Variants in KDM4C observed in about 807,000 individuals in gnomAD.
The protein encoded by KDM4C is lysine demethylase 4C.
KDM4C carries 81 observed loss-of-function variants against 129.3 expected under a neutral mutation model. The ratio of observed to expected loss-of-function variants is 0.63; its 90% CI spans 0.52 to 0.75. The LOEUF (loss-of-function observed/expected upper bound fraction) is 0.75, where lower values mean the gene tolerates loss of function less well. Among genes scored for constraint, KDM4C ranks in the 30% least tolerant of loss-of-function variants. The probability of loss-of-function intolerance (pLI) is 0.00; values close to 1 mark genes in which losing one functional copy is unlikely to be tolerated. For synonymous variants in KDM4C, 573 were observed against 456.1 expected, an observed-to-expected ratio of 1.26 and a Z score of -3.26; for missense variants, 1,457 against 1,304.0, an observed-to-expected ratio of 1.12 and a Z score of -1.81.
At chr9:7,134,638 T>G (rs1221979622) in intron 19 of KDM4C, among the ~76,000 whole-genome samples, 2 of 152,234 alleles carry the variant, frequency 1.3e-5, no homozygotes, top group East Asian at 3.8e-4. Context: ...GTATAATATT[T>G]ACAGAACACA....
At chr9:6,892,973 T>C in intron 7 of KDM4C, 122 bp from the exon 8 acceptor site, 1 of 646,090 alleles carries the variant, frequency 1.5e-6, no homozygotes, top group Non-Finnish European at 2.3e-6. Context: ...GGAACTCTTT[T>C]TGGTAGTGCT....
At chr9:7,144,560 G>C (rs545249295) in intron 19 of KDM4C, among the ~76,000 whole-genome samples, 4 of 152,298 alleles carry the variant, frequency 2.6e-5, no homozygotes, top group African/African-American at 9.6e-5. Context: ...TCCCATTCTC[G>C]TAGGGGAGAA....
intron 12 of KDM4C, among the ~76,000 whole-genome samples, chr9:7,005,360 A>C (rs1027178723): frequency 6.7e-6 from 1 of 148,714 alleles, no homozygotes; most frequent in Non-Finnish European, 1.5e-5. Context: ...GCTTGAACCC[A>C]GGAGGCGGAG....
intron 1 of KDM4C, among the ~76,000 whole-genome samples, chr9:6,771,985 G>A (rs139169073): frequency 3.3e-5 from 5 of 152,334 alleles, no homozygotes; most frequent in Middle Eastern, 3.4e-3. Context: ...AAGCCCAGCA[G>A]GCTTTCAGTG....
chr9:7,008,050 A>T (rs753152023), intron 12 of KDM4C, among the ~76,000 whole-genome samples: 1 of 152,206 alleles, frequency 6.6e-6, no homozygotes, highest in East Asian at 1.9e-4. Context: ...TAGCACAGAC[A>T]TGAAAAAAGA....
chr9:7,067,920 C>A (rs772234218), intron 17 of KDM4C, among the ~76,000 whole-genome samples: 1 of 152,146 alleles, frequency 6.6e-6, no homozygotes, highest in East Asian at 1.9e-4. Flanking sequence ...CTCAGCCTCC[C>A]GAGTAGCTGG....
chr9:6,794,418 T>C (rs944519277), intron 2 of KDM4C, among the ~76,000 whole-genome samples: 1 of 152,216 alleles, frequency 6.6e-6, no homozygotes, highest in African/African-American at 2.4e-5. Context: ...CTTGTCTGGC[T>C]ATGGTAAGGC....
intron 1 of KDM4C, among the ~76,000 whole-genome samples, chr9:6,766,904 C>T (rs531391758): frequency 6.6e-6 from 1 of 151,988 alleles, no homozygotes; most frequent in Non-Finnish European, 1.5e-5. Context: ...TCATTTGGCT[C>T]CCTTTTTACC....
At chr9:7,117,169 G>GT (rs1838994016) in intron 18 of KDM4C, among the ~76,000 whole-genome samples, 1 of 152,080 alleles carries the variant, frequency 6.6e-6, no homozygotes, top group African/African-American at 2.4e-5. Context: ...GGATTGTGCT[G>GT]TTTTAGTAGT....
intron 11 of KDM4C, among the ~76,000 whole-genome samples, chr9:6,989,915 C>G (rs576666103): frequency 4.7e-5 from 7 of 150,402 alleles, no homozygotes; most frequent in African/African-American, 1.5e-4. Context: ...CCTGGGACCA[C>G]AGGCATATGC....
chr9:6,981,157 G>C (rs759284716), intron 9 of KDM4C, 39 bp downstream of exon 9: 1 of 1,529,428 alleles, frequency 6.5e-7, no homozygotes, highest in South Asian at 1.3e-5. Flanking sequence ...CTTGCCTGTC[G>C]TGTTTTCTCA....
chr9:7,033,942 C>G (rs1438650490), intron 15 of KDM4C, among the ~76,000 whole-genome samples: 3 of 151,904 alleles, frequency 2.0e-5, no homozygotes, highest in Non-Finnish European at 2.9e-5. Flanking sequence ...TGTGGAAAAA[C>G]TGCAGTGCAG....
chr9:6,806,073 GGTGT>G (rs1293760599), intron 3 of KDM4C, among the ~76,000 whole-genome samples: 1 of 152,030 alleles, frequency 6.6e-6, no homozygotes, highest in East Asian at 1.9e-4. Context: ...CAGTTTTTTT[GGTGT>G]GTGTTTGATA....
At chr9:6,818,097 C>T (rs1394688781) in intron 4 of KDM4C, among the ~76,000 whole-genome samples, 1 of 152,066 alleles carries the variant, frequency 6.6e-6, no homozygotes, top group Non-Finnish European at 1.5e-5. Context: ...TCCTTTTGGT[C>T]TTTCTGTTTT....
Position 7,140,718 on chromosome 9 carries a change from G to A in KDM4C, c.2781+12482G>A, listed in dbSNP as rs1023104312. ...CCTACTACATGCCACCCATCATGCT[G>A]GGTTCTGGGAAAATGATAGCAGTAA... is the stretch of plus-strand genomic sequence containing the variant. On this transcript the variant is annotated intron_variant, in intron 19 of 21. Coordinates refer to ENST00000381309, the MANE Select transcript of KDM4C (RefSeq NM_015061.6). Among the ~76,000 whole-genome samples the A allele has an allele frequency of 2.0e-5, 3 of 152,192 alleles. No individual in the cohort carries two copies. The East Asian group carries it at 5.8e-4, about 29-fold the overall frequency.
At chr9:7,064,534 G>A (rs1381820076) in intron 17 of KDM4C, among the ~76,000 whole-genome samples, 3 of 152,176 alleles carry the variant, frequency 2.0e-5, no homozygotes, top group Non-Finnish European at 4.4e-5. Flanking sequence ...TGAATACTCA[G>A]TCACGTTATG....
chr9:7,016,271 G>T (rs1823657385), intron 15 of KDM4C, among the ~76,000 whole-genome samples: 1 of 151,894 alleles, frequency 6.6e-6, no homozygotes, highest in Non-Finnish European at 1.5e-5. Context: ...GGGACTACAG[G>T]CACCCGCCAC....
intron 8 of KDM4C, among the ~76,000 whole-genome samples, chr9:6,902,118 A>G (rs1237471022): frequency 2.6e-5 from 4 of 152,120 alleles, no homozygotes; most frequent in African/African-American, 7.2e-5. Flanking sequence ...TTCCACCAGT[A>G]TGAATTTTGA....
chr9:6,813,596 T>C (rs112075765), intron 3 of KDM4C, among the ~76,000 whole-genome samples: 1 of 152,184 alleles, frequency 6.6e-6, no homozygotes, highest in African/African-American at 2.4e-5. Context: ...TTTTTAACTT[T>C]GCTTCATTAT....
Sources: allele counts gnomAD v4.1 joint callset (sites outside exome capture counted in the v4.1 genomes callset), GRCh38; gene constraint gnomAD v4.1.1; transcripts MANE v1.5; gene names NCBI Gene and HGNC (gene_info 2026-07-23, HGNC 2026-07-21).